Variants in CDH23 observed in about 807,000 individuals in gnomAD.
The protein encoded by CDH23 is cadherin-23.
Under a neutral mutation model 317.1 loss-of-function variants are expected in CDH23, and 189 were observed. That is an observed-to-expected ratio of 0.60 (90% CI 0.53 to 0.67). CDH23 has a LOEUF of 0.67. CDH23 is among the 30% of genes least tolerant of loss of function. The pLI, the probability that CDH23 is intolerant of heterozygous loss-of-function variation, is 0.00. For missense variants in CDH23, 4,401 were observed against 4,592.4 expected, an observed-to-expected ratio of 0.96 and a Z score of 1.20; for synonymous variants, 1,839 against 1,876.8, an observed-to-expected ratio of 0.98 and a Z score of 0.52.
intron 28 of CDH23, chr10:71,717,532 C>T (rs1362132820): frequency 5.3e-5 from 8 of 152,250 alleles, no homozygotes; most frequent in Non-Finnish European, 8.8e-5. Context: ...CGGTCCTTGT[C>T]GATGGAAAAC....
intron 38 of CDH23, among the ~76,000 whole-genome samples, chr10:71,772,243 T>G (rs1454501338): frequency 6.6e-6 from 1 of 152,202 alleles, no homozygotes; most frequent in African/African-American, 2.4e-5. Flanking sequence ...GCACCCAGGT[T>G]GCTAAGGTAT....
At chr10:71,671,449 C>A (rs1166599486) in intron 14 of CDH23, among the ~76,000 whole-genome samples, 1 of 152,146 alleles carries the variant, frequency 6.6e-6, no homozygotes, top group Non-Finnish European at 1.5e-5. Context: ...AAATTTTGTT[C>A]TCTATACATA....
At chr10:71,753,564 C>A (rs906105135) in intron 38 of CDH23, among the ~76,000 whole-genome samples, 3 of 152,210 alleles carry the variant, frequency 2.0e-5, no homozygotes, top group Admixed American at 2.0e-4. Context: ...AGGTGCAAGT[C>A]CCCGATCACT....
chr10:71,596,827 G>A (rs1016314191), intron 9 of CDH23, among the ~76,000 whole-genome samples: 4 of 152,154 alleles, frequency 2.6e-5, no homozygotes. Flanking sequence ...GAGGAGTGAA[G>A]TGCTGAACTG....
intron 28 of CDH23, among the ~76,000 whole-genome samples, chr10:71,723,186 C>A (rs1374618334): frequency 2.0e-5 from 3 of 152,218 alleles, no homozygotes; most frequent in African/African-American, 7.2e-5. Flanking sequence ...ACAGATCCAA[C>A]AGGACAGCAT....
At chr10:71,796,180 G>A (rs1841397837) in intron 48 of CDH23, 1 of 776,920 alleles carries the variant, frequency 1.3e-6, no homozygotes, top group Non-Finnish European at 1.6e-6. Flanking sequence ...GTACCTGAGA[G>A]GGAGAGGAGG....
intron 6 of CDH23, among the ~76,000 whole-genome samples, chr10:71,546,290 C>T (rs79032253): frequency 0.026 from 4,020 of 152,200 alleles, 177 homozygotes; most frequent in African/African-American, 0.092. Context: ...TGGAGACATT[C>T]GTAAAAGAAA....
At chr10:71,583,513 G>A (rs1028604716) in intron 9 of CDH23, among the ~76,000 whole-genome samples, 10 of 152,198 alleles carry the variant, frequency 6.6e-5, no homozygotes, top group South Asian at 4.2e-4. Context: ...TCACAGCCCC[G>A]ACTGCCCAGC....
At chr10:71,651,236 T>C (rs1863152221) in intron 14 of CDH23, among the ~76,000 whole-genome samples, 1 of 151,892 alleles carries the variant, frequency 6.6e-6, no homozygotes, top group African/African-American at 2.4e-5. Flanking sequence ...GGGAATAACA[T>C]TGGAGAAAAG....
chr10:71,570,758 C>T (rs1490146604), intron 7 of CDH23, 32 bp from the exon 8 acceptor site: 10 of 1,578,324 alleles, frequency 6.3e-6, no homozygotes, highest in Non-Finnish European at 8.6e-6. Context: ...CATCACTCAA[C>T]CTAAGGCTGT....
intron 1 of CDH23, among the ~76,000 whole-genome samples, chr10:71,438,347 CA>C (rs10596696): frequency 0.1 from 10,109 of 98,376 alleles, 530 homozygotes; most frequent in African/African-American, 0.26. Context: ...CTGTCTCAAA[CA>C]AAAAAAAAAA....
intron 6 of CDH23, among the ~76,000 whole-genome samples, chr10:71,546,884 G>T (rs950339056): frequency 6.6e-6 from 1 of 152,186 alleles, no homozygotes; most frequent in African/African-American, 2.4e-5. Context: ...AGGACACAGT[G>T]CTCGGTGAAT....
intron 14 of CDH23, among the ~76,000 whole-genome samples, chr10:71,658,280 G>A (rs1264974884): frequency 1.3e-5 from 2 of 152,210 alleles, no homozygotes; most frequent in East Asian, 3.9e-4. Flanking sequence ...GGAGGGAGGA[G>A]AGAGCGAGAG....
chr10:71,749,948 G>A (rs748504), intron 38 of CDH23: 38,995 of 152,036 alleles, frequency 0.26, 5,116 homozygotes, highest in East Asian at 0.41. Flanking sequence ...GCTCTCCACA[G>A]TACCTGGGGC....
At chr10:71,784,789 C>A in intron 42 of CDH23, 102 bp from the exon 43 acceptor site, 1 of 852,316 alleles carries the variant, frequency 1.2e-6, no homozygotes, top group Non-Finnish European at 2.0e-6. Context: ...CAACTGCACC[C>A]TCCCTCCCTC....
chr10:71,459,141 G>A (rs1850851080), intron 3 of CDH23, among the ~76,000 whole-genome samples: 1 of 130,122 alleles, frequency 7.7e-6, no homozygotes, highest in Non-Finnish European at 1.6e-5. Flanking sequence ...AGGCTGGCAC[G>A]CAGTGGCAAG....
intron 26 of CDH23, among the ~76,000 whole-genome samples, chr10:71,708,471 C>T (rs955190360): frequency 1.3e-5 from 2 of 152,210 alleles, no homozygotes; most frequent in African/African-American, 2.4e-5. Context: ...TCCTGACTCC[C>T]GTCCACCGCG....
At chr10:71,673,805 C>T (rs536665562) in intron 14 of CDH23, among the ~76,000 whole-genome samples, 11 of 152,314 alleles carry the variant, frequency 7.2e-5, no homozygotes, top group Admixed American at 3.3e-4. Context: ...AGGTAGAAGG[C>T]GTGCAGGAGC....
intron 8 of CDH23, 136 bp from the exon 9 acceptor site, chr10:71,577,778 C>T (rs144590532): frequency 2.8e-6 from 2 of 707,520 alleles, no homozygotes; most frequent in African/African-American, 1.7e-5. Context: ...GATGCCTGAG[C>T]CCTTGGCATC....
Sources: gnomAD v4.1 joint callset for allele counts (sites outside exome capture counted in the v4.1 genomes callset) on GRCh38, gnomAD v4.1.1 for gene constraint, MANE v1.5 for transcripts, NCBI Gene and HGNC (gene_info 2026-07-23, HGNC 2026-07-21) for gene names.